The following PCNX1 variants were observed in gnomAD, a reference collection of about 807,000 sequenced individuals.
PCNX1 encodes the protein pecanex 1.
PCNX1 carries 78 observed loss-of-function variants against 242.2 expected under a neutral mutation model. That is an observed-to-expected ratio of 0.32 (90% CI 0.27 to 0.39). The LOEUF (loss-of-function observed/expected upper bound fraction) is 0.39. Ranked by LOEUF, PCNX1 falls within the 10% of genes least tolerant of loss-of-function variation. The pLI is 1.00. For synonymous variants in PCNX1, 1,024 were observed against 1,032.9 expected (o/e 0.99, Z 0.17); for missense variants, 2,581 against 2,856.5 (o/e 0.90, Z 2.20).
At position 71,040,269 on chromosome 14, in the gene PCNX1, G is replaced by GT. The variant is rs371903183; in HGVS notation, c.3867+4118dup. The stretch of plus-strand genomic sequence containing the variant: ...TGGGTATAAAATTCTAGGATGACAG[G>GT]TTTTTTCTCTTTTAGTACATGAAGA... On this transcript the variant is annotated intron_variant, in intron 19 of 35. Transcript: ENST00000304743. Among the ~76,000 whole-genome samples, 551 of 152,190 alleles carry GT rather than the reference G, an allele frequency of 3.6e-3. 1 individual carries two copies. The highest frequency in any genetic ancestry group is 0.013 in the African/African-American group (532 of 41,514).
At position 71,108,816 on chromosome 14, in the gene PCNX1, G is replaced by A. The variant is rs890170168; in HGVS notation, c.6514G>A (p.Val2172Met). ...PSSIQSRLSM[V>M]NQMEPSGQSG... ...ATCCATCCAATCCCGACTGTCGATG[G>A]TGAACCAAATGGAACCCTCAGGTCA... is the stretch of plus-strand genomic sequence containing the variant. Residue 2172 changes from valine (V) to methionine (M), a missense_variant, in exon 34 of 36, where the codon GTG becomes ATG. Around this residue, in one of 9 missense-constraint regions of PCNX1, gnomAD observed 432 missense variants for 433.6 expected, o/e 1.00. Coordinates refer to ENST00000304743, the MANE Select transcript of PCNX1 (RefSeq NM_014982.3). The A allele has an allele frequency of 6.2e-7, 1 of 1,614,244 alleles. No individual in the cohort carries two copies. Among genetic ancestry groups the A allele is most frequent in the African/African-American group, 1.3e-5 (1 of 75,070 alleles).
chr14:70,925,149 C>T (rs1469093766), intron 1 of PCNX1, among the ~76,000 whole-genome samples: 1 of 151,784 alleles, frequency 6.6e-6, no homozygotes, highest in Non-Finnish European at 1.5e-5. Context: ...CCACAACGTC[C>T]GGCTAATTTT....
intron 6 of PCNX1, among the ~76,000 whole-genome samples, chr14:70,979,134 CT>C (rs1459927022): frequency 6.6e-6 from 1 of 152,034 alleles, no homozygotes; most frequent in African/African-American, 2.4e-5. Context: ...AGAATTGTGG[CT>C]CTTTTTTTAA....
At chr14:70,986,436 G>A (rs1017437300) in intron 6 of PCNX1, among the ~76,000 whole-genome samples, 3 of 152,104 alleles carry the variant, frequency 2.0e-5, no homozygotes, top group African/African-American at 7.2e-5. Context: ...TATAAATGGT[G>A]TATTACTAGC....
At chr14:71,030,831 C>T (rs1055840487) in intron 16 of PCNX1, among the ~76,000 whole-genome samples, 2 of 152,118 alleles carry the variant, frequency 1.3e-5, no homozygotes, top group Non-Finnish European at 2.9e-5. Context: ...CTCCCATATC[C>T]CTTCCCTCAT....
At chr14:71,063,269 C>G (rs1220537328) in intron 26 of PCNX1, among the ~76,000 whole-genome samples, 1 of 152,098 alleles carries the variant, frequency 6.6e-6, no homozygotes, top group Admixed American at 6.6e-5. Context: ...GTTGTTTTCT[C>G]TTTCTTTTAA....
intron 26 of PCNX1, among the ~76,000 whole-genome samples, chr14:71,070,759 G>T (rs1289485652): frequency 6.6e-6 from 1 of 152,160 alleles, no homozygotes; most frequent in Non-Finnish European, 1.5e-5. Context: ...AAAGGTTCTA[G>T]CATTTTTGAA....
chr14:71,099,144 G>A (rs1003207369), intron 30 of PCNX1, among the ~76,000 whole-genome samples: 10 of 149,770 alleles, frequency 6.7e-5, no homozygotes, highest in Non-Finnish European at 1.2e-4. Context: ...CAAGAGTATG[G>A]TTACTATTAT....
At chr14:71,043,190 T>C (rs1234305240) in intron 19 of PCNX1, among the ~76,000 whole-genome samples, 1 of 152,176 alleles carries the variant, frequency 6.6e-6, no homozygotes. Flanking sequence ...GGTTTCCTTG[T>C]ATGTAACTTA....
intron 1 of PCNX1, among the ~76,000 whole-genome samples, chr14:70,917,047 A>G (rs2056179195): frequency 6.6e-6 from 1 of 151,890 alleles, no homozygotes; most frequent in Non-Finnish European, 1.5e-5. Context: ...ATAAGAAGCA[A>G]CTCCTCATCT....
intron 15 of PCNX1, 62 bp from the exon 16 acceptor site, chr14:71,028,638 C>T (rs1305343354): frequency 1.1e-6 from 1 of 927,932 alleles, no homozygotes; most frequent in Non-Finnish European, 1.7e-6. Flanking sequence ...TTTTCAGTGA[C>T]CTTTTAATTA....
In PCNX1 at chr14:71,060,952, T is replaced by C. The variant is rs28842770; in HGVS notation, c.4852+3228T>C. Among the ~76,000 whole-genome samples, 1,132 of 152,332 alleles carry C rather than the reference T, an allele frequency of 7.4e-3. 8 individuals carry two copies. Among genetic ancestry groups the C allele is most frequent in the African/African-American group, 0.026 (1,066 of 41,576 alleles). On this transcript the variant is annotated intron_variant, in intron 26 of 35. Coordinates refer to ENST00000304743, the MANE Select transcript of PCNX1 (RefSeq NM_014982.3). ...TCAAGAATTGTTATTTATTGCATAATGTGAAAGCTGGTGAGTGGTGAGTCT... is the reference window on the plus strand; with the variant it reads ...TCAAGAATTGTTATTTATTGCATAACGTGAAAGCTGGTGAGTGGTGAGTCT...
At chr14:70,949,290 CGTGTGTACACACATAT>C (rs2057662145) in intron 2 of PCNX1, among the ~76,000 whole-genome samples, 1 of 144,336 alleles carries the variant, frequency 6.9e-6, no homozygotes, top group Non-Finnish European at 1.5e-5. Context: ...TATACACACA[CGTGTGTACACACATAT>C]GTGTGTAGAT....
intron 1 of PCNX1, among the ~76,000 whole-genome samples, chr14:70,935,953 C>A (rs1371301285): frequency 6.6e-6 from 1 of 152,088 alleles, no homozygotes; most frequent in Non-Finnish European, 1.5e-5. Context: ...ACCAGTGTCA[C>A]ACAATTTTTT....
chr14:70,976,043 C>T (rs566576084), intron 5 of PCNX1, among the ~76,000 whole-genome samples: 2 of 151,948 alleles, frequency 1.3e-5, no homozygotes, highest in African/African-American at 2.4e-5. Context: ...AGCCTATTTT[C>T]GTTTGTTTGT....
intron 1 of PCNX1, among the ~76,000 whole-genome samples, chr14:70,912,351 T>C (rs2055954557): frequency 6.6e-6 from 1 of 152,222 alleles, no homozygotes; most frequent in Non-Finnish European, 1.5e-5. Context: ...GCAAGCCCTT[T>C]CTTATTCGGT....
chr14:70,959,099 G>A (rs962033276), intron 2 of PCNX1, among the ~76,000 whole-genome samples: 2 of 150,976 alleles, frequency 1.3e-5, no homozygotes, highest in Non-Finnish European at 2.9e-5. Context: ...AAAACTCTGG[G>A]CAAAAAGTAG....
At chr14:71,021,489 C>A (rs1035360575) in intron 12 of PCNX1, among the ~76,000 whole-genome samples, 2 of 151,982 alleles carry the variant, frequency 1.3e-5, no homozygotes, top group East Asian at 1.9e-4. Flanking sequence ...GCTGGAAAAC[C>A]ATTGACATAG....
intron 24 of PCNX1, among the ~76,000 whole-genome samples, chr14:71,055,030 C>T (rs562693191): frequency 6.6e-6 from 1 of 152,246 alleles, no homozygotes; most frequent in African/African-American, 2.4e-5. Context: ...CTCAGTGTTA[C>T]TTTGAAAATA....
Sources: allele counts gnomAD v4.1 joint callset (sites outside exome capture counted in the v4.1 genomes callset), GRCh38; gene constraint gnomAD v4.1.1; regional missense constraint gnomAD v4.1.1; transcripts MANE v1.5; gene names NCBI Gene and HGNC (gene_info 2026-07-23, HGNC 2026-07-21).